Variants in SREBF2 observed in about 807,000 individuals in gnomAD.
SREBF2 encodes the protein sterol regulatory element-binding protein 2.
A neutral mutation model predicts 113.1 loss-of-function variants in SREBF2; 55 were observed. That is an observed-to-expected ratio of 0.49 (90% CI 0.39 to 0.61). The LOEUF is 0.61. SREBF2 is among the 20% of genes least tolerant of loss of function. SREBF2 has a pLI of 0.00. For missense variants in SREBF2, 1,349 were observed against 1,487.4 expected (o/e 0.91, Z 1.53); for synonymous variants, 593 against 605.7 (o/e 0.98, Z 0.31).
chr22:41,858,231 A>G (rs756917347), intron 1 of SREBF2, among the ~76,000 whole-genome samples: 14 of 152,126 alleles, frequency 9.2e-5, no homozygotes, highest in Non-Finnish European at 1.9e-4. Flanking sequence ...TATTATTTCC[A>G]TGTTCTTGTA....
At chr22:41,869,313 C>G (rs2077116907) in intron 3 of SREBF2, among the ~76,000 whole-genome samples, 2 of 151,380 alleles carry the variant, frequency 1.3e-5, no homozygotes, top group African/African-American at 4.9e-5. Flanking sequence ...GCCAGGCTGG[C>G]TTGAACTTCT....
rs1358710157 is a variant in SREBF2, at chr22:41,895,297, GC to G, written c.2495+363del. Among the ~76,000 whole-genome samples, 8 of 152,106 alleles carry G rather than the reference GC, an allele frequency of 5.3e-5. No individual in the cohort carries two copies. In the East Asian group the frequency reaches 7.7e-4, roughly 15 times the overall value. On this transcript the variant is annotated intron_variant, in intron 13 of 18. Coordinates refer to ENST00000361204, the MANE Select transcript of SREBF2 (RefSeq NM_004599.4). Reference sequence around the variant, plus strand: ...TGGGACTACAGGCGCCTGCCACCATGCCCGGCTAATTTTTTGTATTTTTAGT... The same window carrying G: ...TGGGACTACAGGCGCCTGCCACCATGCCGGCTAATTTTTTGTATTTTTAGT...
At chr22:41,850,989 C>T (rs1395485899) in intron 1 of SREBF2, among the ~76,000 whole-genome samples, 1 of 152,174 alleles carries the variant, frequency 6.6e-6, no homozygotes, top group Admixed American at 6.5e-5. Context: ...GATCCGCCCA[C>T]CTCGGCCTCC....
chr22:41,843,838 T>C (rs1376566573), intron 1 of SREBF2, among the ~76,000 whole-genome samples: 2 of 150,898 alleles, frequency 1.3e-5, no homozygotes, highest in Admixed American at 1.3e-4. Flanking sequence ...TGAGACCCCA[T>C]TTCTGTAAAA....
chr22:41,848,496 A>T (rs1382457257), intron 1 of SREBF2, among the ~76,000 whole-genome samples: 1 of 152,212 alleles, frequency 6.6e-6, no homozygotes, highest in East Asian at 1.9e-4. Context: ...TTTTAGCATT[A>T]GGCAAGGATT....
intron 13 of SREBF2, among the ~76,000 whole-genome samples, chr22:41,896,507 G>A (rs757046845): frequency 1.3e-5 from 2 of 152,106 alleles, no homozygotes; most frequent in South Asian, 2.1e-4. Context: ...TTACAGGCAC[G>A]CGCCACCATG....
intron 8 of SREBF2, 32 bp from the exon 9 acceptor site, chr22:41,877,910 C>G (rs2077211597): frequency 6.2e-7 from 1 of 1,613,988 alleles, no homozygotes; most frequent in African/African-American, 1.3e-5. Flanking sequence ...AAGGCCTTTC[C>G]TAGCAGACTC....
At chr22:41,872,910 CA>C (rs1190511828) in intron 4 of SREBF2, among the ~76,000 whole-genome samples, 1 of 147,240 alleles carries the variant, frequency 6.8e-6, no homozygotes, top group Non-Finnish European at 1.5e-5. Context: ...AAAACAAAAA[CA>C]AAAAAACAGG....
chr22:41,878,151 C>A, intron 9 of SREBF2, 28 bp downstream of exon 9: 7 of 1,612,674 alleles, frequency 4.3e-6, no homozygotes, highest in Non-Finnish European at 5.9e-6. Flanking sequence ...CCTTCCCCAT[C>A]CTCCCCCAGA....
chr22:41,851,605 T>C lies in SREBF2; in HGVS notation c.89-15226T>C, dbSNP rs1325292739. ...ACCTCCCGGGTTCAAGCGATTCTCC[T>C]GCCTCAGCCTTCCAAGTAGCTGGGA... On this transcript the variant is annotated intron_variant, in intron 1 of 18. Coordinates refer to ENST00000361204, the MANE Select transcript of SREBF2 (RefSeq NM_004599.4). 3.3e-5 allele frequency among the ~76,000 whole-genome samples: 5 copies of C among 152,234 alleles called. No individual in the cohort carries two copies. In the East Asian group the frequency reaches 9.7e-4, roughly 30 times the overall value.
chr22:41,897,151 G>A lies in SREBF2; in HGVS notation c.2595G>A (p.Lys865=). 1 of 1,610,830 alleles carries A rather than the reference G, an allele frequency of 6.2e-7. No homozygotes were observed. The highest frequency in any genetic ancestry group is 8.5e-7 in the Non-Finnish European group (1 of 1,179,240). Residue 865 remains lysine, a synonymous_variant, in exon 14 of 19, where the codon AAG becomes AAA. Transcript: ENST00000361204. The stretch of plus-strand genomic sequence containing the variant: ...CACTCTCCAGGAGCTCCGTGCTCAA[G>A]TCCGCCCTGGGTAAGCACCTGCGGG... ...SPPLSRSSVL[K]SALGPDIICR...
chr22:41,833,153 C>T lies in SREBF2; in HGVS notation c.-118C>T. The stretch of plus-strand genomic sequence containing the variant: ...AACGCAAACATGGCGGCGGGTGGCA[C>T]CCGTCGGTGAGGCGGTGCCGGGCGG... On this transcript the variant is annotated 5_prime_UTR_variant, in exon 1 of 19. Coordinates refer to ENST00000361204, the MANE Select transcript of SREBF2 (RefSeq NM_004599.4). The surrounding 1 kb of genome is among the most constrained non-coding windows in gnomAD (Gnocchi z 4.1). The T allele has an allele frequency of 1.4e-6, 1 of 729,766 alleles. No homozygotes were observed. Among genetic ancestry groups the T allele is most frequent in the Admixed American group, 3.9e-5 (1 of 25,790 alleles). 45.2% of individuals were successfully genotyped at this position (729,766 alleles called of 1,614,324 possible).
Position 41,852,237 on chromosome 22 carries a change from A to G in SREBF2, c.89-14594A>G, listed in dbSNP as rs539831610. On this transcript the variant is annotated intron_variant, in intron 1 of 18. Transcript: ENST00000361204. ...GAAAAAAAAAGTGAAAAAATTAAAT[A>G]CATTTTATTATGTGCTTGATGTATT... Among the ~76,000 whole-genome samples, 70 of 151,214 alleles carry G rather than the reference A, an allele frequency of 4.6e-4. 2 individuals carry two copies. The highest frequency in any genetic ancestry group is 1.4e-3 in the Admixed American group (21 of 15,168).
In SREBF2 at chr22:41,868,654, A is replaced by G; in HGVS notation, c.582A>G (p.Val194=). Residue 194 remains valine, a synonymous_variant, in exon 3 of 19, where the codon GTA becomes GTG. Coordinates refer to ENST00000361204, the MANE Select transcript of SREBF2 (RefSeq NM_004599.4). ...AAAGCCTGGTGACATCCTCCCAGGTACAGCCGGTCACCATTCAGCAGCAGG... is the reference window on the plus strand; with the variant it reads ...AAAGCCTGGTGACATCCTCCCAGGTGCAGCCGGTCACCATTCAGCAGCAGG... ...QVQSLVTSSQ[V]QPVTIQQQVQ... 2 of 1,614,242 alleles carry G rather than the reference A, an allele frequency of 1.2e-6. No individual in the cohort carries two copies. Among genetic ancestry groups the G allele is most frequent in the Non-Finnish European group, 1.7e-6 (2 of 1,180,044 alleles).
chr22:41,900,092 CT>C (rs2077452222), intron 15 of SREBF2: 3 of 1,429,610 alleles, frequency 2.1e-6, no homozygotes, highest in African/African-American at 1.4e-5. Flanking sequence ...ATGGTGAAGC[CT>C]GTGTCTCTGA....
At chr22:41,874,884 G>T (rs772874555) in intron 5 of SREBF2, among the ~76,000 whole-genome samples, 8 of 151,990 alleles carry the variant, frequency 5.3e-5, no homozygotes, top group Non-Finnish European at 1.0e-4. Context: ...TCCATCCTGG[G>T]CAACAAGAGT....
intron 8 of SREBF2, 117 bp from the exon 9 acceptor site, chr22:41,877,825 C>G: frequency 9.0e-7 from 1 of 1,110,098 alleles, no homozygotes; most frequent in South Asian, 1.2e-5. Flanking sequence ...ATTATTTGCC[C>G]TTTCTTCTGA....
intron 1 of SREBF2, among the ~76,000 whole-genome samples, chr22:41,859,438 T>C (rs916783719): frequency 2.6e-5 from 4 of 152,234 alleles, no homozygotes; most frequent in Non-Finnish European, 5.9e-5. Flanking sequence ...ATTTTGTGCA[T>C]TCCTGCATGG....
At chr22:41,883,788 G>A (rs1394679404) in intron 10 of SREBF2, among the ~76,000 whole-genome samples, 1 of 152,190 alleles carries the variant, frequency 6.6e-6, no homozygotes, top group Non-Finnish European at 1.5e-5. Context: ...GGAACACAGG[G>A]CTGGATGAGC....
Sources: allele counts gnomAD v4.1 joint callset (sites outside exome capture counted in the v4.1 genomes callset), GRCh38; gene constraint gnomAD v4.1.1; non-coding constraint Gnocchi (gnomAD v3.1); transcripts MANE v1.5; gene names NCBI Gene and HGNC (gene_info 2026-07-23, HGNC 2026-07-21).